Variants in BRWD1 observed in about 807,000 individuals in gnomAD.
BRWD1 encodes the protein bromodomain and WD repeat-containing protein 1.
Under a neutral mutation model 251.2 loss-of-function variants are expected in BRWD1, and 82 were observed. The ratio of observed to expected loss-of-function variants is 0.33; its 90% CI spans 0.27 to 0.39. The LOEUF (loss-of-function observed/expected upper bound fraction) is 0.39. Among genes scored for constraint, BRWD1 ranks in the 10% least tolerant of loss-of-function variants. The probability of loss-of-function intolerance (pLI) is 1.00; values close to 1 mark genes in which losing one functional copy is unlikely to be tolerated. For synonymous variants in BRWD1, 918 were observed against 902.8 expected, an observed-to-expected ratio of 1.02 and a Z score of -0.30; for missense variants, 2,233 against 2,711.6, an observed-to-expected ratio of 0.82 and a Z score of 3.92.
In BRWD1 at chr21:39,229,192, G is replaced by C. The variant is rs2146544157; in HGVS notation, c.3125+120C>G. ...CATCAGAAGCTCGAGCCACATCTTAGGCTATCCACAGTGCTCTACCAGTTA... is the reference window on the plus strand; with the variant it reads ...CATCAGAAGCTCGAGCCACATCTTACGCTATCCACAGTGCTCTACCAGTTA... On this transcript the variant is annotated intron_variant, in intron 26 of 40. Transcript: ENST00000342449. 3 of 863,024 alleles carry C rather than the reference G, an allele frequency of 3.5e-6. No homozygotes were observed. The East Asian group carries it at 8.0e-5, about 23-fold the overall frequency. 53.5% of individuals were successfully genotyped at this position (863,024 alleles called of 1,614,324 possible).
chr21:39,293,786 T>A (rs766813124), intron 8 of BRWD1, 25 bp downstream of exon 8: 1 of 1,570,152 alleles, frequency 6.4e-7, no homozygotes, highest in African/African-American at 1.4e-5. Flanking sequence ...CATATAGGAA[T>A]GTGCCCACTA....
In BRWD1 at chr21:39,190,555, T is replaced by A. The variant is rs912313208; in HGVS notation, c.*5704A>T. The A allele has an allele frequency of 1.0e-6, 1 of 985,270 alleles. No homozygotes were observed. Among genetic ancestry groups the A allele is most frequent in the African/African-American group, 1.7e-5 (1 of 57,218 alleles). 61.0% of individuals were successfully genotyped at this position (985,270 alleles called of 1,614,324 possible). On this transcript the variant is annotated 3_prime_UTR_variant, in exon 41 of 41. Transcript: ENST00000342449. ...TTATAAGCTCCCTCAAGCAAGCCTTTTATCAGAAAAGACTTGAGATATTCT... is the reference window on the plus strand; with the variant it reads ...TTATAAGCTCCCTCAAGCAAGCCTTATATCAGAAAAGACTTGAGATATTCT...
rs760651052 is a variant in BRWD1 at position 39,229,424 on chromosome 21, C to G, written c.3013G>C (p.Val1005Leu). The change falls in exon 26 of 41, where the codon GTT becomes CTT. Residue 1005 changes from valine to leucine, a missense_variant. Val to Leu is a conservative substitution (Grantham distance 32). Around this residue, in one of 12 missense-constraint regions of BRWD1, gnomAD observed 139 missense variants for 272.8 expected, o/e 0.51. Coordinates refer to ENST00000342449, the MANE Select transcript of BRWD1 (RefSeq NM_033656.4). ...TCATATCGTATTCCAACTATTTTAACCAATTCTTGATCCTTTAACAGACAT... is the reference window on the plus strand; with the variant it reads ...TCATATCGTATTCCAACTATTTTAAGCAATTCTTGATCCTTTAACAGACAT... The part of the protein sequence containing the change: ...RKMDLRDQEL[V>L]KIVGIRYEVG... 3 of 1,608,522 alleles carry G rather than the reference C, an allele frequency of 1.9e-6. No homozygotes were observed. Among genetic ancestry groups the G allele is most frequent in the Non-Finnish European group, 2.6e-6 (3 of 1,175,576 alleles).
In BRWD1 at chr21:39,199,666, G is replaced by A. The variant is rs2032008455; in HGVS notation, c.4754-4C>T. ...CCATTTGCTAATGAAACGGGACCTAGAAATAAGGTTAACAATAAGATTAAA... is the reference window on the plus strand; with the variant it reads ...CCATTTGCTAATGAAACGGGACCTAAAAATAAGGTTAACAATAAGATTAAA... On this transcript the variant is annotated splice_polypyrimidine_tract_variant and splice_region_variant and intron_variant, in intron 39 of 40. Transcript: ENST00000342449. 8 of 1,581,398 alleles carry A rather than the reference G, an allele frequency of 5.1e-6. No individual in the cohort carries two copies. The East Asian group carries it at 1.8e-4, about 35-fold the overall frequency.
intron 4 of BRWD1, among the ~76,000 whole-genome samples, chr21:39,306,427 G>A (rs1009820428): frequency 1.3e-5 from 2 of 152,026 alleles, no homozygotes; most frequent in Admixed American, 6.6e-5. Context: ...TTATTTAATT[G>A]TAATTTTCAT....
intron 8 of BRWD1, among the ~76,000 whole-genome samples, chr21:39,290,430 G>A (rs1432085630): frequency 6.6e-6 from 1 of 151,208 alleles, no homozygotes; most frequent in Non-Finnish European, 1.5e-5. Context: ...GGCAGAGATT[G>A]CAGTGAGCTG....
In BRWD1 at chr21:39,189,127, TG is replaced by T; in HGVS notation, c.*7131del. ...AAATCAATGTTAGCAAATGCTAAAA[TG>T]TAAATATGCTACAAAGGGTAAACAA... On this transcript the variant is annotated 3_prime_UTR_variant, in exon 41 of 41. Transcript: ENST00000342449. 1.0e-6 allele frequency: 1 copy of T among 984,444 alleles called. No individual in the cohort carries two copies. The highest frequency in any genetic ancestry group is 1.2e-6 in the Non-Finnish European group (1 of 829,008). 61.0% of individuals were successfully genotyped at this position (984,444 alleles called of 1,614,324 possible). A position where few individuals can be genotyped will look rare whatever the true frequency, so the allele number is the denominator to read the frequency against.
Position 39,313,528 on chromosome 21 carries a change from G to C in BRWD1, c.-37C>G, listed in dbSNP as rs1329534931. On this transcript the variant is annotated 5_prime_UTR_variant, in exon 1 of 41. Transcript: ENST00000342449. ...GGGCGGGAGGCGGGAGCGAGCGAGC[G>C]AGCGGAGCGTGTAGGCCGCGCCGAG... 5 of 1,327,904 alleles carry C rather than the reference G, an allele frequency of 3.8e-6. No individual in the cohort carries two copies. In the African/African-American group the frequency reaches 6.2e-5, roughly 16 times the overall value. 82.3% of individuals were successfully genotyped at this position (1,327,904 alleles called of 1,614,324 possible).
In BRWD1 at chr21:39,197,366, C is replaced by G. The variant is rs762873282; in HGVS notation, c.5703G>C (p.Arg1901Ser). ...TACTGTCTGAGTCACTGGAACAGAC[C>G]CTTTTCCTGGAAATTTTTCTGCTTA... The part of the protein sequence containing the change: ...NGLSRKISRK[R>S]VCSSDSDSSL... Residue 1901 changes from arginine to serine, a missense_variant, in exon 41 of 41, where the codon AGG becomes AGC. Physicochemically the swap from Arg to Ser is moderately radical, Grantham distance 110. Transcript: ENST00000342449. The G allele has an allele frequency of 1.2e-6, 2 of 1,606,116 alleles. No homozygotes were observed. Among genetic ancestry groups the G allele is most frequent in the Non-Finnish European group, 1.7e-6 (2 of 1,177,658 alleles).
At chr21:39,311,081 T>A (rs946018829) in intron 4 of BRWD1, among the ~76,000 whole-genome samples, 2 of 150,656 alleles carry the variant, frequency 1.3e-5, no homozygotes, top group Admixed American at 6.6e-5. Flanking sequence ...ATCACAGCCA[T>A]ATTATCACAG....
Position 39,307,356 on chromosome 21 carries a change from TCAAA to T in BRWD1, c.198+5481_198+5484del, listed in dbSNP as rs920470464. 1.1e-4 allele frequency among the ~76,000 whole-genome samples: 16 copies of T among 152,094 alleles called. No homozygotes were observed. The South Asian group carries it at 1.2e-3, about 12-fold the overall frequency. On this transcript the variant is annotated intron_variant, in intron 4 of 40. Coordinates refer to ENST00000342449, the MANE Select transcript of BRWD1 (RefSeq NM_033656.4). ...TTATTTTGTAATTTTTTTTACTCTA[TCAAA>T]CAAATAAATGTAACTCAGTAATTAC...
intron 37 of BRWD1, among the ~76,000 whole-genome samples, chr21:39,204,600 C>T (rs998796023): frequency 5.3e-5 from 8 of 152,154 alleles, no homozygotes; most frequent in African/African-American, 1.9e-4. Flanking sequence ...ATCAAATGCT[C>T]AAAAGACCAT....
In BRWD1 at chr21:39,189,366, A is replaced by G. The variant is rs1346744864; in HGVS notation, c.*6893T>C. 1.0e-6 allele frequency: 1 copy of G among 984,736 alleles called. No individual in the cohort carries two copies. Among genetic ancestry groups the G allele is most frequent in the Non-Finnish European group, 1.2e-6 (1 of 829,292 alleles). The allele number at this position is 984,736 out of a possible 1,614,324, so 61.0% of individuals were successfully genotyped here. A position where few individuals can be genotyped will look rare whatever the true frequency, so the allele number is the denominator to read the frequency against. Reference sequence around the variant, plus strand: ...TTTAAGTTGCAGAAATTCCATTTTGATGTGTGATCAAAGTACCTATACTGA... The same window carrying G: ...TTTAAGTTGCAGAAATTCCATTTTGGTGTGTGATCAAAGTACCTATACTGA... On this transcript the variant is annotated 3_prime_UTR_variant, in exon 41 of 41. Transcript: ENST00000342449.
intron 29 of BRWD1, among the ~76,000 whole-genome samples, chr21:39,223,038 C>T (rs2033240997): frequency 6.6e-6 from 1 of 152,060 alleles, no homozygotes; most frequent in South Asian, 2.1e-4. Context: ...CTTCAAAAGC[C>T]TTAAAGTCAT....
intron 11 of BRWD1, 75 bp downstream of exon 11, chr21:39,277,176 A>G (rs1425595603): frequency 2.0e-6 from 2 of 993,310 alleles, no homozygotes; most frequent in Non-Finnish European, 2.9e-6. Flanking sequence ...AGTAGAGCCA[A>G]TAACAATGCC....
At chr21:39,237,399 G>A (rs2033848249) in intron 22 of BRWD1, among the ~76,000 whole-genome samples, 1 of 152,118 alleles carries the variant, frequency 6.6e-6, no homozygotes, top group African/African-American at 2.4e-5. Flanking sequence ...TCCACTACTA[G>A]CTTCACCAAA....
At chr21:39,299,276 ACTGGC>A (rs1339459995) in intron 4 of BRWD1, among the ~76,000 whole-genome samples, 28 of 151,902 alleles carry the variant, frequency 1.8e-4, no homozygotes, top group African/African-American at 6.5e-4. Context: ...ATATATGCTA[ACTGGC>A]CTGTAAGTGA....
intron 8 of BRWD1, 23 bp from the exon 9 acceptor site, chr21:39,280,271 T>A (rs770777245): frequency 6.5e-7 from 1 of 1,548,752 alleles, no homozygotes; most frequent in Admixed American, 1.9e-5. Context: ...ACATATACAA[T>A]TCAGTTTCCA....
At chr21:39,313,846 G>A (rs994848162), upstream of BRWD1, 12 of 344,988 alleles carry the variant, frequency 3.5e-5, no homozygotes, top group South Asian at 1.8e-4. Flanking sequence ...AGTGGGGGAG[G>A]GGAGGGCGCG....
Sources: allele counts gnomAD v4.1 joint callset (sites outside exome capture counted in the v4.1 genomes callset), GRCh38; gene constraint gnomAD v4.1.1; regional missense constraint gnomAD v4.1.1; transcripts MANE v1.5; gene names NCBI Gene and HGNC (gene_info 2026-07-23, HGNC 2026-07-21).